RSF1: variants seen among roughly 807,000 people sequenced by gnomAD.
The protein encoded by RSF1 is remodeling and spacing factor 1, also known as HBV pX-associated protein 8.
Under a neutral mutation model 145.2 loss-of-function variants are expected in RSF1, and 13 were observed. The ratio of observed to expected loss-of-function variants is 0.09; its 90% confidence interval spans 0.06 to 0.14. The LOEUF is 0.14. RSF1 is among the 10% of genes least tolerant of loss of function. The pLI is 1.00. For synonymous variants in RSF1, 577 were observed against 592.6 expected (o/e 0.97, Z 0.38); for missense variants, 1,517 against 1,718.2 (o/e 0.88, Z 2.07).
intron 1 of RSF1, 92 bp downstream of exon 1, chr11:77,820,436 C>T (rs918045063): frequency 1.2e-5 from 16 of 1,343,516 alleles, no homozygotes; most frequent in African/African-American, 1.5e-5. Flanking sequence ...CCGCGGAGGC[C>T]CGAGCCGCGA....
intron 5 of RSF1, among the ~76,000 whole-genome samples, chr11:77,714,963 A>G (rs535214501): frequency 3.3e-5 from 5 of 151,672 alleles, no homozygotes; most frequent in Non-Finnish European, 5.9e-5. Flanking sequence ...TACAAAAACA[A>G]TTTTTTTTTA....
chr11:77,688,289 C>T (rs557315445), intron 9 of RSF1, among the ~76,000 whole-genome samples: 1 of 152,308 alleles, frequency 6.6e-6, no homozygotes, highest in African/African-American at 2.4e-5. Flanking sequence ...CGGAGCAAGA[C>T]TCTGTCTCAA....
At chr11:77,719,377 C>A (rs931461048) in intron 5 of RSF1, among the ~76,000 whole-genome samples, 1 of 152,094 alleles carries the variant, frequency 6.6e-6, no homozygotes, top group Admixed American at 6.6e-5. Flanking sequence ...ATCTTATTTT[C>A]ATGTTAACTA....
the RSF1 span, among the ~76,000 whole-genome samples, chr11:77,858,088 A>G: frequency 3.3e-5 from 5 of 151,600 alleles, no homozygotes; most frequent in African/African-American, 1.2e-4. Flanking sequence ...GTATGATCAT[A>G]TTTCACTATA....
intron 5 of RSF1, among the ~76,000 whole-genome samples, chr11:77,706,917 G>A (rs1960566067): frequency 6.6e-6 from 1 of 151,924 alleles, no homozygotes; most frequent in Non-Finnish European, 1.5e-5. Context: ...CTACATATAA[G>A]GCCTTCAGAA....
Position 77,667,423 on chromosome 11 carries a change from G to A in RSF1, c.3820C>T (p.Arg1274Trp), listed in dbSNP as rs1959396041. ...GAATACTCGTCTGTGCTTCGGCCCC[G>A]CTTTCGAACTGACCGCTTTGATTCT... is the stretch of plus-strand genomic sequence containing the variant. ...AKESKRSVRKRGRSTDEYSEA... is the reference protein window; with the variant it reads ...AKESKRSVRKWGRSTDEYSEA... The change falls in exon 16 of 16, where the codon CGG (arginine) becomes TGG (tryptophan). Residue 1274 changes from arginine (R) to tryptophan (W), a missense_variant. Arg to Trp is a moderately radical substitution (Grantham distance 101, BLOSUM62 -3). Transcript: ENST00000308488. 3.1e-6 allele frequency: 5 copies of A among 1,613,636 alleles called. No individual in the cohort carries two copies. The highest frequency in any genetic ancestry group is 3.4e-6 in the Non-Finnish European group (4 of 1,179,994).
chr11:77,736,681 T>A (rs1961360839), intron 4 of RSF1, among the ~76,000 whole-genome samples: 1 of 152,196 alleles, frequency 6.6e-6, no homozygotes, highest in Admixed American at 6.6e-5. Flanking sequence ...TCATAGAACA[T>A]CTCACTTATA....
At chr11:77,668,504 T>C (rs560523474) in intron 15 of RSF1, among the ~76,000 whole-genome samples, 15 of 152,330 alleles carry the variant, frequency 9.8e-5, no homozygotes, top group Admixed American at 3.3e-4. Context: ...TTAGACGCCC[T>C]TGGTAGTCTT....
the RSF1 span, among the ~76,000 whole-genome samples, chr11:77,852,322 A>G: frequency 2.8e-4 from 43 of 152,048 alleles, no homozygotes; most frequent in South Asian, 7.3e-3. Context: ...TCAATTTGAC[A>G]TACGGAATTT....
intron 3 of RSF1, among the ~76,000 whole-genome samples, chr11:77,743,690 C>T (rs1455549121): frequency 6.6e-6 from 1 of 152,088 alleles, no homozygotes; most frequent in Non-Finnish European, 1.5e-5. Context: ...TCTTCCTTTC[C>T]AATTCAGATG....
At position 77,667,233 on chromosome 11, in the gene RSF1, G is replaced by A; in HGVS notation, c.4010C>T (p.Thr1337Ile). The A allele has an allele frequency of 6.2e-7, 1 of 1,614,140 alleles. No homozygotes were observed. The highest frequency in any genetic ancestry group is 8.5e-7 in the Non-Finnish European group (1 of 1,180,026). ...ACTTTCTATCCGGTAGGGCTTCTTG[G>A]TGCTCTCTTGTTCTGAGGGCAGGAC... ...PRVLPSEQES[T>I]KKPYRIESDE... Residue 1337 changes from threonine to isoleucine, a missense_variant, in exon 16 of 16, where the codon ACC becomes ATC. Physicochemically the swap from Thr to Ile is moderately conservative, Grantham distance 89. This residue lies in a region of RSF1 where 240 missense variants were observed against 231.8 expected (regional missense o/e 1.04). Coordinates refer to ENST00000308488, the MANE Select transcript of RSF1 (RefSeq NM_016578.4).
chr11:77,709,040 C>A (rs533377047), intron 5 of RSF1, among the ~76,000 whole-genome samples: 1 of 152,308 alleles, frequency 6.6e-6, no homozygotes, highest in Non-Finnish European at 1.5e-5. Flanking sequence ...GGAAGATAAA[C>A]CCTGGTCAGT....
chr11:77,734,998 C>A (rs1011672309), intron 4 of RSF1: 24 of 1,594,878 alleles, frequency 1.5e-5, no homozygotes, highest in Admixed American at 5.0e-5. Context: ...GTAGTTCTGG[C>A]GCACCTGTGA....
rs145831526 is a variant in RSF1, at chr11:77,723,668, G to A, written c.733+1877C>T. Among the ~76,000 whole-genome samples, 1,165 of 152,324 alleles carry A rather than the reference G, an allele frequency of 7.6e-3. 8 individuals carry two copies. Among genetic ancestry groups the A allele is most frequent in the Non-Finnish European group, 0.012 (804 of 68,034 alleles). ...TAGGAACATTATTATATACTACACGGAAAGGCATAATTCCTTGTTTACAAG... is the reference window on the plus strand; with the variant it reads ...TAGGAACATTATTATATACTACACGAAAAGGCATAATTCCTTGTTTACAAG... On this transcript the variant is annotated intron_variant, in intron 5 of 15. Transcript: ENST00000308488.
At chr11:77,776,698 C>A (rs549094792) in intron 1 of RSF1, among the ~76,000 whole-genome samples, 74 of 152,230 alleles carry the variant, frequency 4.9e-4, no homozygotes, top group African/African-American at 1.7e-3. Context: ...TGAGGGCTAG[C>A]CAGCCAATTG....
chr11:77,725,515 C>A, intron 5 of RSF1, 30 bp downstream of exon 5: 1 of 1,493,270 alleles, frequency 6.7e-7, no homozygotes, highest in Non-Finnish European at 8.9e-7. Context: ...GATTACAAAA[C>A]AAAGCAAAAC....
At chr11:77,860,998 T>C in the RSF1 span, among the ~76,000 whole-genome samples, 1 of 152,192 alleles carries the variant, frequency 6.6e-6, no homozygotes, top group Non-Finnish European at 1.5e-5. Flanking sequence ...TTTTAGGTTC[T>C]TAACAATTTT....
chr11:77,747,152 A>G (rs1405420053), intron 2 of RSF1, 24 bp from the exon 3 acceptor site: 1 of 1,466,972 alleles, frequency 6.8e-7, no homozygotes, highest in Non-Finnish European at 9.5e-7. Context: ...TTAATATCTT[A>G]ATACATGAAA....
At chr11:77,740,316 A>T (rs1402618973) in intron 4 of RSF1, among the ~76,000 whole-genome samples, 1 of 152,264 alleles carries the variant, frequency 6.6e-6, no homozygotes, top group African/African-American at 2.4e-5. Context: ...TGGAGGTTAC[A>T]GTGAGCCGAG....
Sources: allele counts gnomAD v4.1 joint callset (sites outside exome capture counted in the v4.1 genomes callset), GRCh38; gene constraint gnomAD v4.1.1; regional missense constraint gnomAD v4.1.1; transcripts MANE v1.5; gene names NCBI Gene and HGNC (gene_info 2026-07-23, HGNC 2026-07-21).